RP1: variants seen among roughly 807,000 people sequenced by gnomAD.
RP1 encodes the protein oxygen-regulated protein 1.
Under a neutral mutation model 14.8 loss-of-function variants are expected in RP1, and 16 were observed. The observed-to-expected ratio is 1.08, with a 90% CI of 0.73 to 1.65. RP1 has a LOEUF of 1.65. Among genes scored for constraint, RP1 ranks in the 40% most tolerant of loss-of-function variants. The pLI, the probability that RP1 is intolerant of heterozygous loss-of-function variation, is 0.00. For missense variants in RP1, 2,631 were observed against 2,535.0 expected, an observed-to-expected ratio of 1.04 and a Z score of -0.81; for synonymous variants, 876 against 883.6, an observed-to-expected ratio of 0.99 and a Z score of 0.15.
At chr8:54,684,367 A>G (rs1209394853) in intron 12 of RP1, among the ~76,000 whole-genome samples, 6 of 152,164 alleles carry the variant, frequency 3.9e-5, no homozygotes, top group Non-Finnish European at 8.8e-5. Context: ...AGTTGTTTGG[A>G]ATAGTTTCAG....
intron 24 of RP1, among the ~76,000 whole-genome samples, chr8:54,803,189 G>C (rs1408725642): frequency 1.3e-5 from 2 of 152,074 alleles, no homozygotes; most frequent in African/African-American, 4.8e-5. Flanking sequence ...TAATCAGTTT[G>C]TTTTTCAAAT....
At chr8:54,812,985 A>T (rs547107821) in intron 24 of RP1, among the ~76,000 whole-genome samples, 1 of 152,322 alleles carries the variant, frequency 6.6e-6, no homozygotes, top group East Asian at 1.9e-4. Flanking sequence ...ATTGGTATTA[A>T]CACTTCTGTG....
intron 24 of RP1, among the ~76,000 whole-genome samples, chr8:54,822,995 A>C (rs1811295143): frequency 6.6e-6 from 1 of 152,104 alleles, no homozygotes; most frequent in Non-Finnish European, 1.5e-5. Context: ...CCCTTAACCC[A>C]TTTTCCCACA....
intron 24 of RP1, among the ~76,000 whole-genome samples, chr8:54,831,203 TC>T (rs1440489588): frequency 6.6e-6 from 1 of 152,054 alleles, no homozygotes; most frequent in African/African-American, 2.4e-5. Flanking sequence ...TGTTTTCAAT[TC>T]TTTTGGGTAT....
intron 12 of RP1, among the ~76,000 whole-genome samples, chr8:54,684,156 C>T (rs1016798020): frequency 6.6e-5 from 10 of 151,878 alleles, no homozygotes; most frequent in African/African-American, 9.7e-5. Context: ...ATCCCAGGGA[C>T]GACGCCAACT....
At chr8:54,560,832 C>T (rs1402550484) in intron 1 of RP1, 4 of 151,860 alleles carry the variant, frequency 2.6e-5, no homozygotes, top group Non-Finnish European at 5.9e-5. Context: ...AGGAGACCCA[C>T]ATGGCCTGCA....
Position 54,740,403 on chromosome 8 carries a change from TAAAA to T in RP1, c.2808+1399_2808+1402del, listed in dbSNP as rs34753388. On this transcript the variant is annotated intron_variant, in intron 19 of 22. Coordinates refer to the RP1 transcript ENST00000636932. ...ATTTTTAACAAGAAAGCTTAAAAAG[TAAAA>T]AAAAAAAAAAAAAAAAAAAAAAAAT... 2.6e-3 allele frequency among the ~76,000 whole-genome samples: 208 copies of T among 80,240 alleles called. 2 individuals are homozygous for T. Among genetic ancestry groups the T allele is most frequent in the African/African-American group, 6.9e-3 (151 of 21,812 alleles). 52.6% of individuals were successfully genotyped at this position (80,240 alleles called of 152,430 possible).
chr8:54,787,272 A>C (rs1333565553), intron 24 of RP1, among the ~76,000 whole-genome samples: 1 of 152,172 alleles, frequency 6.6e-6, no homozygotes, highest in Non-Finnish European at 1.5e-5. Context: ...TACGGCAGAA[A>C]GTTGGAGAGA....
chr8:54,607,912 G>A (rs988680296), intron 1 of RP1, among the ~76,000 whole-genome samples: 1 of 152,146 alleles, frequency 6.6e-6, no homozygotes, highest in Admixed American at 6.5e-5. Flanking sequence ...ATTAGGGTGG[G>A]AGTGACCTGG....
intron 1 of RP1, among the ~76,000 whole-genome samples, chr8:54,559,588 A>G (rs1453819708): frequency 1.3e-5 from 2 of 152,128 alleles, no homozygotes; most frequent in African/African-American, 4.8e-5. Context: ...TTTGTAAGGT[A>G]TTGTAGTTTT....
In RP1 at chr8:54,621,551, G is replaced by T; in HGVS notation, c.585G>T (p.Val195=). ...QHLTEVMQRP[V]VKLYATDGRR... ...TGACAGAGGTCATGCAGCGCCCTGT[G>T]GTCAAGCTGTACGCTACGGACGGAA... The change falls in exon 2 of 4, where the codon GTG becomes GTT. Residue 195 remains valine, a synonymous_variant. Coordinates refer to ENST00000220676, the MANE Select transcript of RP1 (RefSeq NM_006269.2). 6.2e-7 allele frequency: 1 copy of T among 1,614,186 alleles called. No homozygotes were observed. The highest frequency in any genetic ancestry group is 1.1e-5 in the South Asian group (1 of 91,078).
intron 12 of RP1, chr8:54,697,187 T>C: frequency 1.4e-6 from 1 of 732,426 alleles, no homozygotes; most frequent in Non-Finnish European, 2.4e-6. Flanking sequence ...GTTTCCTTTT[T>C]TTGGGGGAAT....
intron 19 of RP1, among the ~76,000 whole-genome samples, chr8:54,752,977 G>T (rs1381629853): frequency 6.6e-6 from 1 of 152,056 alleles, no homozygotes; most frequent in African/African-American, 2.4e-5. Context: ...TGAAGTATTT[G>T]TATAGTTTAT....
intron 1 of RP1, among the ~76,000 whole-genome samples, chr8:54,587,509 C>T (rs899647093): frequency 6.6e-6 from 1 of 151,894 alleles, no homozygotes; most frequent in Non-Finnish European, 1.5e-5. Context: ...TAAAAGTACA[C>T]CTGACAAGGA....
rs762821563 is a variant in RP1, at chr8:54,621,267, G to T, written c.301G>T (p.Gly101Cys). The T allele has an allele frequency of 6.2e-6, 10 of 1,613,954 alleles. No homozygotes were observed. The highest frequency in any genetic ancestry group is 8.5e-6 in the Non-Finnish European group (10 of 1,180,036). The change falls in exon 2 of 4, where the codon GGC becomes TGC. Residue 101 changes from glycine to cysteine, a missense_variant. Gly to Cys is a radical substitution (Grantham distance 159). Transcript: ENST00000220676. ...CACGCGCCTGGAGGAGCTGGAGGACGGCGAGTCCTACCTATGTTCCCACGG... is the reference window on the plus strand; with the variant it reads ...CACGCGCCTGGAGGAGCTGGAGGACTGCGAGTCCTACCTATGTTCCCACGG... ...SITRLEELED[G>C]ESYLCSHGRK...
At chr8:54,820,444 C>A (rs1811227837) in intron 24 of RP1, among the ~76,000 whole-genome samples, 1 of 152,100 alleles carries the variant, frequency 6.6e-6, no homozygotes, top group Admixed American at 6.5e-5. Context: ...GTAGAGTTAG[C>A]TGGAAATCGA....
intron 23 of RP1, among the ~76,000 whole-genome samples, chr8:54,781,460 T>C (rs964764157): frequency 1.3e-5 from 2 of 152,192 alleles, no homozygotes; most frequent in Non-Finnish European, 2.9e-5. Context: ...CATATTCTTT[T>C]GATTTTTTTG....
At chr8:54,845,607 TA>T (rs1811901099) in intron 25 of RP1, among the ~76,000 whole-genome samples, 1 of 152,216 alleles carries the variant, frequency 6.6e-6, no homozygotes, top group Non-Finnish European at 1.5e-5. Context: ...GTGACCTTAA[TA>T]ACACAATTAC....
chr8:54,714,953 C>T (rs983751634), intron 15 of RP1, among the ~76,000 whole-genome samples: 2 of 152,216 alleles, frequency 1.3e-5, no homozygotes, highest in Non-Finnish European at 2.9e-5. Context: ...AGTGATTCAT[C>T]TTGGAAAAGA....
Sources: allele counts gnomAD v4.1 joint callset (sites outside exome capture counted in the v4.1 genomes callset), GRCh38; gene constraint gnomAD v4.1.1; transcripts MANE v1.5; gene names NCBI Gene and HGNC (gene_info 2026-07-23, HGNC 2026-07-21).